MGAM2: variants seen among roughly 807,000 people sequenced by gnomAD.
MGAM2 encodes maltase-glucoamylase 2 (putative).
A neutral mutation model predicts 96.1 loss-of-function variants in MGAM2; 98 were observed. The ratio of observed to expected loss-of-function variants is 1.02; its 90% CI spans 0.87 to 1.21. The LOEUF (loss-of-function observed/expected upper bound fraction) is 1.21, where lower values mean the gene tolerates loss of function less well. MGAM2 is among the 50% of genes most tolerant of loss of function. MGAM2 has a pLI of 0.00. For synonymous variants in MGAM2, 749 were observed against 414.8 expected (o/e 1.81, Z -9.79); for missense variants, 2,055 against 1,182.4 (o/e 1.74, Z -10.82).
chr7:142,212,043 T>C (rs900643510), intron 46 of MGAM2, among the ~76,000 whole-genome samples: 2 of 152,184 alleles, frequency 1.3e-5, no homozygotes, highest in African/African-American at 4.8e-5. Context: ...TATTCAACAT[T>C]CTTAAAGAAA....
intron 31 of MGAM2, 21 bp from the exon 32 acceptor site, chr7:142,175,631 C>T (rs12532575): frequency 0.22 from 150,894 of 701,380 alleles, 17,774 homozygotes; most frequent in East Asian, 0.35. Context: ...GTTCCAAGAG[C>T]CTTGCTGCTT....
chr7:142,169,224 C>A lies in MGAM2; in HGVS notation c.3028-851C>A, dbSNP rs113066027. Among the ~76,000 whole-genome samples the A allele has an allele frequency of 4.4e-3, 674 of 152,170 alleles. 5 individuals are homozygous for A. Among genetic ancestry groups the A allele is most frequent in the African/African-American group, 0.016 (648 of 41,510 alleles). On this transcript the variant is annotated intron_variant, in intron 26 of 47. Coordinates refer to ENST00000477922, the MANE Select transcript of MGAM2 (RefSeq NM_001293626.2). ...GGCAGGTGAGGTCAGGAGATCAAAA[C>A]CATCCTGGCCAACATGGTAAAACCC...
chr7:142,123,536 T>C (rs1794646170), intron 3 of MGAM2, among the ~76,000 whole-genome samples: 1 of 152,232 alleles, frequency 6.6e-6, no homozygotes, highest in Admixed American at 6.5e-5. Flanking sequence ...TCATGACTAA[T>C]AAGGTTAAAT....
intron 4 of MGAM2, 58 bp downstream of exon 4, chr7:142,131,129 A>C (rs1455181727): frequency 2.9e-6 from 2 of 679,154 alleles, no homozygotes; most frequent in Non-Finnish European, 5.4e-6. Flanking sequence ...AGATACGTTA[A>C]CTGCAAAATA....
intron 29 of MGAM2, 88 bp downstream of exon 29, chr7:142,172,282 C>A (rs1199421950): frequency 5.1e-6 from 3 of 589,126 alleles, no homozygotes; most frequent in South Asian, 4.1e-5. Context: ...TAGAGACATT[C>A]AGGGGGCAAG....
chr7:142,214,786 A>T (rs1797701654), intron 46 of MGAM2, among the ~76,000 whole-genome samples: 1 of 152,350 alleles, frequency 6.6e-6, no homozygotes, highest in East Asian at 1.9e-4. Context: ...GCCATTATCA[A>T]AAAGTCAGGA....
rs761071320 is a variant in MGAM2, at chr7:142,170,124, C to A, written c.3077C>A (p.Thr1026Asn). The A allele has an allele frequency of 2.0e-5, 14 of 702,740 alleles. No homozygotes were observed. The South Asian group carries it at 2.1e-4, about 10-fold the overall frequency. 43.5% of individuals were successfully genotyped at this position (702,740 alleles called of 1,614,324 possible). ...KRYEVPVPLN[T>N]PPQPVGDPEN... ...TATGAGGTTCCAGTACCACTGAACA[C>A]CCCTCCCCAACCAGTTGGTGACCCT... Residue 1026 changes from threonine to asparagine, a missense_variant, in exon 27 of 48, where the codon ACC becomes AAC. Thr to Asn is a moderately conservative substitution (Grantham distance 65). Transcript: ENST00000477922.
intron 23 of MGAM2, among the ~76,000 whole-genome samples, chr7:142,162,580 G>GTC (rs1180994964): frequency 6.6e-6 from 1 of 151,604 alleles, no homozygotes; most frequent in Non-Finnish European, 1.5e-5. Context: ...TTTTGAGGCG[G>GTC]TCTCTCTCTC....
intron 37 of MGAM2, among the ~76,000 whole-genome samples, chr7:142,194,565 C>T (rs1796968706): frequency 6.6e-6 from 1 of 152,158 alleles, no homozygotes; most frequent in South Asian, 2.1e-4. Context: ...TGCATTCTTC[C>T]AATTTGTGTA....
At chr7:142,213,376 C>T (rs1486988741) in intron 46 of MGAM2, among the ~76,000 whole-genome samples, 1 of 151,994 alleles carries the variant, frequency 6.6e-6, no homozygotes, top group Non-Finnish European at 1.5e-5. Context: ...AAATCAGTGA[C>T]TCCAGGAGCT....
At chr7:142,114,574 A>G (rs1308616356) in intron 1 of MGAM2, among the ~76,000 whole-genome samples, 1 of 152,216 alleles carries the variant, frequency 6.6e-6, no homozygotes, top group Non-Finnish European at 1.5e-5. Context: ...GACTTGGGGT[A>G]TATTTATGAA....
At chr7:142,142,524 G>GTTTT (rs746342532) in intron 12 of MGAM2, among the ~76,000 whole-genome samples, 106 of 78,866 alleles carry the variant, frequency 1.3e-3, no homozygotes, top group East Asian at 1.8e-3. Flanking sequence ...AGTGGTGTGT[G>GTTTT]TTTTTTTTTT....
At chr7:142,163,233 T>G (rs2129087302) in intron 23 of MGAM2, among the ~76,000 whole-genome samples, 1 of 152,316 alleles carries the variant, frequency 6.6e-6, no homozygotes, top group East Asian at 1.9e-4. Flanking sequence ...AAATTAAAAT[T>G]GCTACTAACA....
intron 37 of MGAM2, among the ~76,000 whole-genome samples, chr7:142,189,779 C>T (rs188160223): frequency 2.6e-5 from 4 of 152,308 alleles, no homozygotes; most frequent in South Asian, 2.1e-4. Context: ...TTTCAGAACT[C>T]GAAAAGGAAA....
rs1156414184 is a variant in MGAM2, at chr7:142,196,835, C to T, written c.4632+19C>T. ...GACAAGGGTGAGGCAGTAGTTCGTG[C>T]TCCAGGTGTTGTGTACCCTCAAATC... On this transcript the variant is annotated intron_variant, in intron 40 of 47. Transcript: ENST00000477922. 1.3e-6 allele frequency: 1 copy of T among 768,402 alleles called. No homozygotes were observed. The highest frequency in any genetic ancestry group is 1.7e-5 in the Admixed American group (1 of 57,356). The allele number at this position is 768,402 out of a possible 1,614,324, so 47.6% of individuals were successfully genotyped here.
intron 15 of MGAM2, among the ~76,000 whole-genome samples, chr7:142,153,069 C>T (rs1426888063): frequency 6.7e-6 from 1 of 149,592 alleles, no homozygotes; most frequent in Non-Finnish European, 1.5e-5. Context: ...GATCTTGGCT[C>T]ACTGCAACCT....
chr7:142,149,778 T>G (rs1278772243), intron 15 of MGAM2, among the ~76,000 whole-genome samples: 2 of 151,890 alleles, frequency 1.3e-5, no homozygotes, highest in East Asian at 3.9e-4. Context: ...CCTGACCTCA[T>G]GATTCACCCG....
chr7:142,190,890 T>C (rs183472405), intron 37 of MGAM2, among the ~76,000 whole-genome samples: 21 of 152,194 alleles, frequency 1.4e-4, no homozygotes, highest in Admixed American at 1.3e-3. Flanking sequence ...ATCTCAGTAC[T>C]TTGGGAGGCC....
chr7:142,171,605 CATATATATATATATATATATATATAT>C (rs34204853), intron 28 of MGAM2, among the ~76,000 whole-genome samples, 165 bp downstream of exon 28: 10,308 of 65,092 alleles, frequency 0.16, 921 homozygotes, highest in Admixed American at 0.3. Flanking sequence ...CCCTAAAAGG[CATATATATATATATATATATATATAT>C]ATATATATAT....
Sources: gnomAD v4.1 joint callset for allele counts (sites outside exome capture counted in the v4.1 genomes callset) on GRCh38, gnomAD v4.1.1 for gene constraint, MANE v1.5 for transcripts, NCBI Gene and HGNC (gene_info 2026-07-23, HGNC 2026-07-21) for gene names.